CGNL1: variants seen among roughly 807,000 people sequenced by gnomAD.
The protein encoded by CGNL1 is cingulin-like protein 1.
CGNL1 carries 132 observed loss-of-function variants against 141.2 expected under a neutral mutation model. That is an observed-to-expected ratio of 0.93 (90% CI 0.81 to 1.08). CGNL1 has a LOEUF of 1.08. Among genes scored for constraint, CGNL1 ranks in the 50% least tolerant of loss-of-function variants. The pLI is 0.00. For synonymous variants in CGNL1, 690 were observed against 622.1 expected, an observed-to-expected ratio of 1.11 and a Z score of -1.63; for missense variants, 1,870 against 1,588.6, an observed-to-expected ratio of 1.18 and a Z score of -3.01.
chr15:57,417,934 A>G lies in CGNL1; in HGVS notation c.-15-20051A>G, dbSNP rs188179830. On this transcript the variant is annotated intron_variant, in intron 1 of 18. Coordinates refer to ENST00000281282, the MANE Select transcript of CGNL1 (RefSeq NM_032866.5). ...TCATTGGGTGGCAGACACTGTCTTCAGCTAAGTGGCTCAGAGCTTTGACAG... is the reference window on the plus strand; with the variant it reads ...TCATTGGGTGGCAGACACTGTCTTCGGCTAAGTGGCTCAGAGCTTTGACAG... Among the ~76,000 whole-genome samples the G allele has an allele frequency of 4.6e-4, 70 of 152,298 alleles. No homozygotes were observed. The East Asian group carries it at 0.012, about 25-fold the overall frequency.
At chr15:57,482,787 CTCTT>C (rs1371528528) in intron 8 of CGNL1, among the ~76,000 whole-genome samples, 1 of 149,104 alleles carries the variant, frequency 6.7e-6, no homozygotes, top group Non-Finnish European at 1.5e-5. Flanking sequence ...TTTCTTTTCT[CTCTT>C]TTTTTTTTTT....
At chr15:57,503,642 C>G (rs1238581772) in intron 8 of CGNL1, among the ~76,000 whole-genome samples, 1 of 152,016 alleles carries the variant, frequency 6.6e-6, no homozygotes, top group Non-Finnish European at 1.5e-5. Flanking sequence ...TTAAGACATA[C>G]CTGAAGCTGG....
At chr15:57,528,997 A>G in intron 13 of CGNL1, 182 bp downstream of exon 13, 1 of 587,308 alleles carries the variant, frequency 1.7e-6, no homozygotes, top group Non-Finnish European at 3.0e-6. Context: ...TTATAGACTC[A>G]GGACATCAGA....
intron 1 of CGNL1, among the ~76,000 whole-genome samples, chr15:57,408,340 T>C (rs1302044742): frequency 2.0e-5 from 3 of 152,096 alleles, no homozygotes; most frequent in African/African-American, 4.8e-5. Flanking sequence ...TGACTTGCGT[T>C]GATAGACATC....
chr15:57,441,452 C>A (rs1595708842), intron 3 of CGNL1, among the ~76,000 whole-genome samples: 1 of 151,978 alleles, frequency 6.6e-6, no homozygotes, highest in East Asian at 1.9e-4. Flanking sequence ...CACTGCAACC[C>A]CCACCTCCCA....
intron 1 of CGNL1, among the ~76,000 whole-genome samples, chr15:57,379,109 G>T (rs892689720): frequency 7.9e-5 from 12 of 152,040 alleles, no homozygotes; most frequent in Admixed American, 1.3e-4. Flanking sequence ...ATTATTAAAT[G>T]GTTTGTTAAC....
intron 8 of CGNL1, among the ~76,000 whole-genome samples, chr15:57,512,338 G>C (rs1286322582): frequency 6.6e-6 from 1 of 152,180 alleles, no homozygotes; most frequent in South Asian, 2.1e-4. Flanking sequence ...TTTCAGGAAA[G>C]GAAAGTTTGT....
At chr15:57,505,021 C>T (rs1436906617) in intron 8 of CGNL1, among the ~76,000 whole-genome samples, 1 of 152,128 alleles carries the variant, frequency 6.6e-6, no homozygotes, top group Non-Finnish European at 1.5e-5. Flanking sequence ...TGTCCCAGCT[C>T]TTTTGAGGGA....
chr15:57,537,937 C>G (rs1329912588), intron 14 of CGNL1, among the ~76,000 whole-genome samples: 1 of 152,244 alleles, frequency 6.6e-6, no homozygotes, highest in Admixed American at 6.5e-5. Flanking sequence ...GAAATACTTT[C>G]CCAGCCTTGA....
chr15:57,546,797 T>C (rs548356024), intron 18 of CGNL1, among the ~76,000 whole-genome samples: 5 of 152,136 alleles, frequency 3.3e-5, no homozygotes, highest in Non-Finnish European at 7.3e-5. Context: ...ATTAGGTTCA[T>C]GGTAATCCAT....
At chr15:57,411,787 G>T (rs1013004550) in intron 1 of CGNL1, among the ~76,000 whole-genome samples, 3 of 150,746 alleles carry the variant, frequency 2.0e-5, no homozygotes, top group Admixed American at 2.0e-4. Context: ...ATTCTCTTTT[G>T]ATGTGGATAA....
At chr15:57,486,474 A>C (rs1003459514) in intron 8 of CGNL1, among the ~76,000 whole-genome samples, 1 of 152,150 alleles carries the variant, frequency 6.6e-6, no homozygotes, top group African/African-American at 2.4e-5. Flanking sequence ...CTTATCACCA[A>C]ATCTGGTCCA....
At chr15:57,409,004 G>T (rs1179140586) in intron 1 of CGNL1, among the ~76,000 whole-genome samples, 1 of 150,936 alleles carries the variant, frequency 6.6e-6, no homozygotes. Context: ...TGGCACCACT[G>T]CACTCCAGCC....
At chr15:57,520,850 G>C (rs1005878152) in intron 10 of CGNL1, among the ~76,000 whole-genome samples, 16 of 152,248 alleles carry the variant, frequency 1.1e-4, no homozygotes, top group Middle Eastern at 3.4e-3. Flanking sequence ...ACTTCCTTCT[G>C]GTTAAGCTGC....
At chr15:57,479,206 T>C (rs1275654306) in intron 8 of CGNL1, among the ~76,000 whole-genome samples, 11 of 152,094 alleles carry the variant, frequency 7.2e-5, no homozygotes, top group Admixed American at 3.9e-4. Flanking sequence ...TAAACATGCA[T>C]GTACTTTTGG....
Position 57,419,307 on chromosome 15 carries a change from C to T in CGNL1, c.-15-18678C>T, listed in dbSNP as rs1489200695. ...AGACTGATAAGGAAATTGCAAAGAT[C>T]ATACAGAAACTACACCCAATTTCCC... On this transcript the variant is annotated intron_variant, in intron 1 of 18. Transcript: ENST00000281282. 2.0e-5 allele frequency among the ~76,000 whole-genome samples: 3 copies of T among 152,294 alleles called. No individual in the cohort carries two copies. The South Asian group carries it at 6.2e-4, about 32-fold the overall frequency.
chr15:57,431,358 AAG>A (rs1206385508), intron 1 of CGNL1, among the ~76,000 whole-genome samples: 4 of 152,212 alleles, frequency 2.6e-5, no homozygotes, highest in Non-Finnish European at 5.9e-5. Flanking sequence ...TTAAAATCTG[AAG>A]AGTTTGGTCA....
chr15:57,464,441 T>C (rs993404004), intron 8 of CGNL1, among the ~76,000 whole-genome samples: 6 of 152,232 alleles, frequency 3.9e-5, no homozygotes, highest in Non-Finnish European at 5.9e-5. Context: ...CAAGAGCCTG[T>C]GCTCTTAGCC....
At position 57,439,571 on chromosome 15, in the gene CGNL1, G is replaced by T. The variant is rs770955649; in HGVS notation, c.1572G>T (p.Val524=). The T allele has an allele frequency of 8.3e-5, 134 of 1,613,656 alleles. No individual in the cohort carries two copies. Among genetic ancestry groups the T allele is most frequent in the Non-Finnish European group, 1.1e-4 (129 of 1,180,038 alleles). ...ATTCTGGTGCCAAGAAAATTTCCGTGAAGACATTTCCTTCGGCCTCAAATA... is the reference window on the plus strand; with the variant it reads ...ATTCTGGTGCCAAGAAAATTTCCGTTAAGACATTTCCTTCGGCCTCAAATA... ...SPDSGAKKIS[V]KTFPSASNTQ... Residue 524 remains valine (V), a synonymous_variant, in exon 2 of 19, where the codon GTG becomes GTT. Coordinates refer to ENST00000281282, the MANE Select transcript of CGNL1 (RefSeq NM_032866.5).
Sources: gnomAD v4.1 joint callset for allele counts (sites outside exome capture counted in the v4.1 genomes callset) on GRCh38, gnomAD v4.1.1 for gene constraint, MANE v1.5 for transcripts, NCBI Gene and HGNC (gene_info 2026-07-23, HGNC 2026-07-21) for gene names.